The following TMEM132B variants were observed in gnomAD, a reference collection of about 807,000 sequenced individuals.
TMEM132B encodes transmembrane protein 132B.
In TMEM132B, 18 loss-of-function variants were observed where a neutral mutation model predicts 90.8. That is an observed-to-expected ratio of 0.20 (90% CI 0.14 to 0.29). The LOEUF is 0.29. TMEM132B is among the 10% of genes least tolerant of loss of function. TMEM132B has a pLI of 1.00. For missense variants in TMEM132B, 1,096 were observed against 1,326.8 expected (o/e 0.83, Z 2.70); for synonymous variants, 504 against 523.3 (o/e 0.96, Z 0.50).
intron 1 of TMEM132B, among the ~76,000 whole-genome samples, chr12:125,279,538 G>C (rs902874320): frequency 3.9e-5 from 6 of 152,216 alleles, no homozygotes; most frequent in African/African-American, 1.4e-4. Flanking sequence ...TCCCGGGACA[G>C]AAACAGCATG....
chr12:125,220,296 C>T (rs1873528964), intron 1 of TMEM132B, among the ~76,000 whole-genome samples: 2 of 152,196 alleles, frequency 1.3e-5, no homozygotes, highest in Non-Finnish European at 2.9e-5. Context: ...CACCTTGTGT[C>T]TGGGCTGAGG....
intron 4 of TMEM132B, among the ~76,000 whole-genome samples, chr12:125,566,096 C>T (rs1384443320): frequency 6.6e-6 from 1 of 152,198 alleles, no homozygotes. Context: ...ATAATATATG[C>T]TACTTACCAG....
In TMEM132B at chr12:125,445,487, G is replaced by A. The variant is rs1259821847; in HGVS notation, c.1106+29810G>A. The stretch of plus-strand genomic sequence containing the variant: ...GCAGTGAGTACGGTATTTAAGCTTT[G>A]TCAGCAGAGGACACTGGAGGAACAT... On this transcript the variant is annotated intron_variant, in intron 3 of 8. Transcript: ENST00000682704. The surrounding 1 kb of genome is among the most constrained non-coding windows in gnomAD (Gnocchi z 4.3). Among the ~76,000 whole-genome samples the A allele has an allele frequency of 6.6e-6, 1 of 152,242 alleles. No individual in the cohort carries two copies. Among genetic ancestry groups the A allele is most frequent in the Non-Finnish European group, 1.5e-5 (1 of 68,044 alleles).
At chr12:125,468,682 T>G (rs929835152) in intron 3 of TMEM132B, among the ~76,000 whole-genome samples, 2 of 152,232 alleles carry the variant, frequency 1.3e-5, no homozygotes, top group African/African-American at 4.8e-5. Flanking sequence ...GTAGATTGTT[T>G]GAGCAGTATG....
At position 125,454,136 on chromosome 12, in the gene TMEM132B, A is replaced by G. The variant is rs140436386; in HGVS notation, c.1106+38459A>G. 3.9e-5 allele frequency among the ~76,000 whole-genome samples: 6 copies of G among 152,286 alleles called. No homozygotes were observed. In the East Asian group the frequency reaches 9.6e-4, roughly 24 times the overall value. The stretch of plus-strand genomic sequence containing the variant: ...CTATGTAGATGATGCCCTGTGATGA[A>G]TGCCACGTTTCTGTTTTCAGAAAGA... On this transcript the variant is annotated intron_variant, in intron 3 of 8. Transcript: ENST00000682704.
At chr12:125,252,993 C>A (rs573091651) in intron 1 of TMEM132B, among the ~76,000 whole-genome samples, 1 of 152,344 alleles carries the variant, frequency 6.6e-6, no homozygotes, top group Non-Finnish European at 1.5e-5. Flanking sequence ...AATCTGTTTG[C>A]TCTGTGTCTG....
chr12:125,431,740 G>A (rs1880515407), intron 3 of TMEM132B, among the ~76,000 whole-genome samples: 1 of 152,154 alleles, frequency 6.6e-6, no homozygotes. Context: ...TATGTGGAGG[G>A]GATCACAGTG....
intron 4 of TMEM132B, among the ~76,000 whole-genome samples, chr12:125,520,847 T>C (rs907651026): frequency 6.6e-6 from 1 of 152,226 alleles, no homozygotes; most frequent in Non-Finnish European, 1.5e-5. Flanking sequence ...TTAATGTTTG[T>C]TGAATGAATG....
Position 125,650,727 on chromosome 12 carries a change from G to A in TMEM132B, c.1688G>A (p.Gly563Glu), listed in dbSNP as rs755524360. The A allele has an allele frequency of 5.0e-6, 8 of 1,613,578 alleles. No homozygotes were observed. In the South Asian group the frequency reaches 8.8e-5, roughly 18 times the overall value. The stretch of plus-strand genomic sequence containing the variant: ...GACGAGGACGATGAGGAGAAGAAGG[G>A]ACGAGGCTGCTCCCTGCAGTACCAG... ...SDDEDDEEKKGRGCSLQYQHA... is the reference protein window; with the variant it reads ...SDDEDDEEKKERGCSLQYQHA... The change falls in exon 7 of 9, where the codon GGA becomes GAA. Residue 563 changes from glycine (G) to glutamate (E), a missense_variant. Coordinates refer to ENST00000682704, the MANE Select transcript of TMEM132B (RefSeq NM_001366854.1).
At chr12:125,538,013 C>T (rs1031037291) in intron 4 of TMEM132B, among the ~76,000 whole-genome samples, 2 of 152,208 alleles carry the variant, frequency 1.3e-5, no homozygotes, top group Admixed American at 6.5e-5. Flanking sequence ...CTGCTTCCCC[C>T]ACATGCACGC....
At chr12:125,336,087 A>C (rs1404691128) in intron 1 of TMEM132B, among the ~76,000 whole-genome samples, 3 of 152,246 alleles carry the variant, frequency 2.0e-5, no homozygotes, top group Non-Finnish European at 4.4e-5. Flanking sequence ...CGGCACGGTC[A>C]GGACACAGAA....
intron 1 of TMEM132B, among the ~76,000 whole-genome samples, chr12:125,207,283 A>G (rs1873205820): frequency 6.6e-6 from 1 of 152,144 alleles, no homozygotes; most frequent in Non-Finnish European, 1.5e-5. Context: ...CCCTTTAGAC[A>G]CAGCCCCAGT....
chr12:125,564,033 G>T (rs369198265), intron 4 of TMEM132B, among the ~76,000 whole-genome samples: 3 of 152,080 alleles, frequency 2.0e-5, no homozygotes, highest in African/African-American at 7.2e-5. Flanking sequence ...TTGTTAAGGC[G>T]TCCCTGGGAA....
At chr12:125,409,450 G>A (rs935988407) in intron 2 of TMEM132B, among the ~76,000 whole-genome samples, 2 of 152,162 alleles carry the variant, frequency 1.3e-5, no homozygotes, top group East Asian at 1.9e-4. Flanking sequence ...GTGCACAGGA[G>A]CTGATTGAGG....
chr12:125,196,439 G>A (rs1383560786), intron 1 of TMEM132B, among the ~76,000 whole-genome samples: 1 of 152,216 alleles, frequency 6.6e-6, no homozygotes, highest in African/African-American at 2.4e-5. Context: ...TGGGCACGGC[G>A]GCTCATGCCT....
intron 4 of TMEM132B, among the ~76,000 whole-genome samples, chr12:125,541,605 C>G (rs1883958688): frequency 6.6e-6 from 1 of 152,032 alleles, no homozygotes; most frequent in Non-Finnish European, 1.5e-5. Context: ...CTTTATAAAT[C>G]TCACCCTAAA....
chr12:125,360,722 G>A (rs1385211137), intron 2 of TMEM132B, among the ~76,000 whole-genome samples: 1 of 152,020 alleles, frequency 6.6e-6, no homozygotes, highest in Non-Finnish European at 1.5e-5. Context: ...CAGGCCTCCT[G>A]GAGGAGGAGG....
At chr12:125,239,904 G>C (rs1874028299) in intron 1 of TMEM132B, among the ~76,000 whole-genome samples, 1 of 152,210 alleles carries the variant, frequency 6.6e-6, no homozygotes, top group Non-Finnish European at 1.5e-5. Context: ...TGTGGATTAT[G>C]GCTTTTTCTT....
intron 1 of TMEM132B, among the ~76,000 whole-genome samples, chr12:125,316,516 T>C (rs1178589988): frequency 1.1e-5 from 1 of 87,112 alleles, no homozygotes; most frequent in East Asian, 3.7e-4. Context: ...AGAGAAAAGC[T>C]GCAGAAAGAG....
Sources: allele counts gnomAD v4.1 joint callset (sites outside exome capture counted in the v4.1 genomes callset), GRCh38; gene constraint gnomAD v4.1.1; non-coding constraint Gnocchi (gnomAD v3.1); transcripts MANE v1.5; gene names NCBI Gene and HGNC (gene_info 2026-07-23, HGNC 2026-07-21).